The following TENM3 variants were observed in gnomAD, a reference collection of about 807,000 sequenced individuals.
TENM3 encodes the protein teneurin-3.
Under a neutral mutation model 255.1 loss-of-function variants are expected in TENM3, and 63 were observed. The ratio of observed to expected loss-of-function variants is 0.25; its 90% confidence interval spans 0.20 to 0.30. The LOEUF (loss-of-function observed/expected upper bound fraction) is 0.30, where lower values mean the gene tolerates loss of function less well. Among genes scored for constraint, TENM3 ranks in the 10% least tolerant of loss-of-function variants. TENM3 has a pLI of 1.00. For synonymous variants in TENM3, 1,306 were observed against 1,322.3 expected, an observed-to-expected ratio of 0.99 and a Z score of 0.27; for missense variants, 2,929 against 3,461.1, an observed-to-expected ratio of 0.85 and a Z score of 3.86.
the TENM3 span, among the ~76,000 whole-genome samples, chr4:181,882,848 A>T: frequency 1.3e-5 from 2 of 152,226 alleles, no homozygotes; most frequent in Admixed American, 6.5e-5. Flanking sequence ...AGTCACAAGC[A>T]TAGAAGTAAT....
the TENM3 span, among the ~76,000 whole-genome samples, chr4:181,525,800 G>T: frequency 6.6e-6 from 1 of 152,158 alleles, no homozygotes; most frequent in African/African-American, 2.4e-5. Context: ...ATACTAATGA[G>T]GGCAGCTGGG....
At chr4:182,771,522 A>C in intron 22 of TENM3, among the ~76,000 whole-genome samples, 1 of 151,324 alleles carries the variant, frequency 6.6e-6, no homozygotes, top group Non-Finnish European at 1.5e-5. Context: ...ATAGTACAAT[A>C]CAGAATTCTC....
chr4:182,775,246 A>T, intron 24 of TENM3, 93 bp downstream of exon 24: 1 of 1,066,482 alleles, frequency 9.4e-7, no homozygotes, highest in East Asian at 2.5e-5. Flanking sequence ...TCACCCCCCT[A>T]TGTCTACACT....
chr4:181,506,492 G>C, the TENM3 span, among the ~76,000 whole-genome samples: 15 of 152,208 alleles, frequency 9.9e-5, no homozygotes, highest in African/African-American at 2.9e-4. Context: ...ATCATCTAAA[G>C]AATGCCTGAA....
intron 6 of TENM3, among the ~76,000 whole-genome samples, chr4:182,664,971 A>G (rs1439368707): frequency 6.6e-6 from 1 of 152,236 alleles, no homozygotes; most frequent in African/African-American, 2.4e-5. Flanking sequence ...AAGCTGCAGC[A>G]AGTTATCCAG....
At chr4:182,246,042 G>A (rs1401166156) in intron 1 of TENM3, among the ~76,000 whole-genome samples, 3 of 152,120 alleles carry the variant, frequency 2.0e-5, no homozygotes, top group Non-Finnish European at 4.4e-5. Context: ...GGGAAATAGC[G>A]TAAGAGCTCA....
chr4:182,761,666 A>G (rs4862089), intron 22 of TENM3, among the ~76,000 whole-genome samples: 23,540 of 152,008 alleles, frequency 0.15, 1,931 homozygotes, highest in South Asian at 0.2. Context: ...CACCTGCTTT[A>G]TTTTCCTTTT....
the TENM3 span, among the ~76,000 whole-genome samples, chr4:182,058,213 G>T: frequency 1.3e-5 from 2 of 151,732 alleles, no homozygotes; most frequent in East Asian, 3.9e-4. Context: ...AATTCCACTG[G>T]AATACATTTG....
chr4:181,449,985 T>G, the TENM3 span, among the ~76,000 whole-genome samples: 1 of 152,176 alleles, frequency 6.6e-6, no homozygotes, highest in African/African-American at 2.4e-5. Context: ...AGTTAAATGC[T>G]TATGTCATTC....
At chr4:182,307,177 A>G (rs1762182829) in intron 1 of TENM3, among the ~76,000 whole-genome samples, 1 of 152,160 alleles carries the variant, frequency 6.6e-6, no homozygotes, top group South Asian at 2.1e-4. Flanking sequence ...AAGGGGGAGG[A>G]AAGTGGGGCA....
the TENM3 span, among the ~76,000 whole-genome samples, chr4:181,654,268 C>T: frequency 6.6e-6 from 1 of 151,572 alleles, no homozygotes; most frequent in African/African-American, 2.4e-5. Flanking sequence ...ACTCGTGGGC[C>T]CCACCATTTC....
At chr4:182,315,015 C>T (rs1257723658) in intron 1 of TENM3, among the ~76,000 whole-genome samples, 2 of 152,224 alleles carry the variant, frequency 1.3e-5, no homozygotes, top group East Asian at 1.9e-4. Flanking sequence ...TCTGCCTTGA[C>T]GTGATATTAG....
intron 4 of TENM3, among the ~76,000 whole-genome samples, chr4:182,628,096 C>T (rs1011948293): frequency 1.3e-5 from 2 of 152,064 alleles, no homozygotes; most frequent in Admixed American, 6.5e-5. Flanking sequence ...TGCCTGTAAC[C>T]GAACTTGTTT....
At chr4:181,657,310 TAAAC>T in the TENM3 span, among the ~76,000 whole-genome samples, 88 of 152,172 alleles carry the variant, frequency 5.8e-4, no homozygotes, top group African/African-American at 2.1e-3. Context: ...GAGAAGTTAA[TAAAC>T]AATTCAACAA....
At chr4:182,026,186 G>A in the TENM3 span, among the ~76,000 whole-genome samples, 1 of 152,286 alleles carries the variant, frequency 6.6e-6, no homozygotes, top group East Asian at 1.9e-4. Flanking sequence ...GTGCTCCATG[G>A]TGTATATGTG....
At chr4:182,253,938 T>A (rs1430610392) in intron 1 of TENM3, among the ~76,000 whole-genome samples, 1 of 152,098 alleles carries the variant, frequency 6.6e-6, no homozygotes, top group Non-Finnish European at 1.5e-5. Flanking sequence ...ATACACTTGA[T>A]CAGCTTTAAA....
At chr4:181,898,371 A>G in the TENM3 span, among the ~76,000 whole-genome samples, 1 of 152,110 alleles carries the variant, frequency 6.6e-6, no homozygotes, top group African/African-American at 2.4e-5. Context: ...TTTGTTCTAC[A>G]TTTTTACTCG....
At chr4:181,620,415 T>G in the TENM3 span, among the ~76,000 whole-genome samples, 1 of 152,080 alleles carries the variant, frequency 6.6e-6, no homozygotes, top group Non-Finnish European at 1.5e-5. Flanking sequence ...GCACAAAAGG[T>G]TGGCTCTCTT....
chr4:182,670,042 T>C (rs1437695988), intron 6 of TENM3, among the ~76,000 whole-genome samples: 1 of 152,224 alleles, frequency 6.6e-6, no homozygotes, highest in Non-Finnish European at 1.5e-5. Flanking sequence ...TAGAAATTGG[T>C]CTCAGATAAT....
Sources: allele counts gnomAD v4.1 joint callset (sites outside exome capture counted in the v4.1 genomes callset), GRCh38; gene constraint gnomAD v4.1.1; transcripts MANE v1.5; gene names NCBI Gene and HGNC (gene_info 2026-07-23, HGNC 2026-07-21).